HIRA: variants seen among roughly 807,000 people sequenced by gnomAD.
HIRA encodes histone cell cycle regulator, also known as protein HIRA.
A neutral mutation model predicts 126.6 loss-of-function variants in HIRA; 13 were observed. The observed-to-expected ratio is 0.10, with a 90% CI of 0.07 to 0.16. HIRA has a LOEUF of 0.16. Among genes scored for constraint, HIRA ranks in the 10% least tolerant of loss-of-function variants. The probability of loss-of-function intolerance (pLI) is 1.00; values close to 1 mark genes in which losing one functional copy is unlikely to be tolerated. For missense variants in HIRA, 834 were observed against 1,314.4 expected (o/e 0.63, Z 5.65); for synonymous variants, 511 against 520.0 (o/e 0.98, Z 0.24).
Position 19,388,350 on chromosome 22 carries a change from T to C in HIRA, c.1007+134A>G, listed in dbSNP as rs2089146567. On this transcript the variant is annotated intron_variant, in intron 10 of 24. Transcript: ENST00000263208. ...TTCCCAAATCACGTGCAAACAGCAC[T>C]CTTGGTCTGCGCTACTATGACACCT... 4 of 657,532 alleles carry C rather than the reference T, an allele frequency of 6.1e-6. No homozygotes were observed. The South Asian group carries it at 7.2e-5, about 12-fold the overall frequency. The allele number at this position is 657,532 out of a possible 1,614,324, so 40.7% of individuals were successfully genotyped here.
chr22:19,369,644 C>T (rs2088946872), intron 15 of HIRA, among the ~76,000 whole-genome samples: 1 of 152,098 alleles, frequency 6.6e-6, no homozygotes, highest in Admixed American at 6.6e-5. Flanking sequence ...AAGAAAATCT[C>T]CACTGAAGGC....
chr22:19,342,158 T>G (rs1045532551), intron 24 of HIRA, among the ~76,000 whole-genome samples: 2 of 151,452 alleles, frequency 1.3e-5, no homozygotes, highest in African/African-American at 4.9e-5. Context: ...AATAGACAAT[T>G]CTCAAAAGAA....
intron 14 of HIRA, among the ~76,000 whole-genome samples, chr22:19,376,925 C>A (rs561852064): frequency 2.1e-4 from 32 of 152,228 alleles, no homozygotes; most frequent in Non-Finnish European, 3.5e-4. Context: ...CACCGCCTAA[C>A]AGAGTCACTT....
rs983912094 is a variant in HIRA, at chr22:19,353,901, G to C, written c.2684+95C>G. 8.2e-6 allele frequency: 12 copies of C among 1,455,284 alleles called. No individual in the cohort carries two copies. The South Asian group carries it at 1.6e-4, about 20-fold the overall frequency. The allele number at this position is 1,455,284 out of a possible 1,614,324, so 90.1% of individuals were successfully genotyped here. A position where few individuals can be genotyped will look rare whatever the true frequency, so the allele number is the denominator to read the frequency against. On this transcript the variant is annotated intron_variant, in intron 22 of 24. Coordinates refer to ENST00000263208, the MANE Select transcript of HIRA (RefSeq NM_003325.4). Reference sequence around the variant, plus strand: ...CTGGGGCACAGGGGAAGGGCAGGTGGAGACCAGGCCTGGGCAGGGACTGTG... The same window carrying C: ...CTGGGGCACAGGGGAAGGGCAGGTGCAGACCAGGCCTGGGCAGGGACTGTG...
chr22:19,399,977 A>G (rs2089254410), intron 5 of HIRA, among the ~76,000 whole-genome samples: 1 of 152,188 alleles, frequency 6.6e-6, no homozygotes, highest in South Asian at 2.1e-4. Context: ...CTGGAGGGGC[A>G]CACATGCAAA....
chr22:19,363,865 C>T (rs1300847881), intron 15 of HIRA, among the ~76,000 whole-genome samples: 3 of 152,028 alleles, frequency 2.0e-5, no homozygotes, highest in East Asian at 1.9e-4. Flanking sequence ...ACTGTGCCAC[C>T]GCACTCCAGC....
chr22:19,332,717 T>TA (rs2088505183), intron 24 of HIRA, among the ~76,000 whole-genome samples: 1 of 146,678 alleles, frequency 6.8e-6, no homozygotes, highest in Non-Finnish European at 1.5e-5. Flanking sequence ...GCTTATACTG[T>TA]ATTAGAGAAC....
chr22:19,402,057 C>T (rs372473673), intron 5 of HIRA, among the ~76,000 whole-genome samples: 98 of 152,278 alleles, frequency 6.4e-4, no homozygotes, highest in African/African-American at 1.8e-3. Flanking sequence ...CCCTCACTGC[C>T]GTCCAGTCTT....
At chr22:19,358,195 T>C (rs1290144997) in intron 18 of HIRA, among the ~76,000 whole-genome samples, 1 of 152,280 alleles carries the variant, frequency 6.6e-6, no homozygotes, top group African/African-American at 2.4e-5. Flanking sequence ...AGATGGGGTT[T>C]CAATATGTTG....
intron 1 of HIRA, among the ~76,000 whole-genome samples, chr22:19,428,115 A>T (rs1033165625): frequency 1.3e-5 from 2 of 152,334 alleles, no homozygotes; most frequent in South Asian, 2.1e-4. Context: ...CCAGAAGTAG[A>T]GTTATAAGTC....
chr22:19,343,611 A>T (rs1322093820), intron 24 of HIRA, among the ~76,000 whole-genome samples: 2 of 151,778 alleles, frequency 1.3e-5, no homozygotes, highest in Non-Finnish European at 2.9e-5. Context: ...GTTATTTTAA[A>T]TTTCATGTAT....
intron 5 of HIRA, among the ~76,000 whole-genome samples, chr22:19,399,419 T>C (rs1340752111): frequency 6.6e-6 from 1 of 152,102 alleles, no homozygotes; most frequent in Non-Finnish European, 1.5e-5. Flanking sequence ...AATGCCTATG[T>C]GATCTTCACA....
chr22:19,376,388 T>C (rs1020281420), intron 14 of HIRA, among the ~76,000 whole-genome samples: 3 of 152,168 alleles, frequency 2.0e-5, no homozygotes, highest in African/African-American at 7.2e-5. Flanking sequence ...CCATCCTTCA[T>C]GTCCAAGCCC....
intron 1 of HIRA, among the ~76,000 whole-genome samples, chr22:19,413,462 A>C (rs5748192): frequency 6.6e-6 from 1 of 151,800 alleles, no homozygotes; most frequent in Non-Finnish European, 1.5e-5. Flanking sequence ...TCCTAGTGCT[A>C]TGCAGATTAG....
At chr22:19,340,919 A>T (rs750411447) in intron 24 of HIRA, among the ~76,000 whole-genome samples, 13 of 152,252 alleles carry the variant, frequency 8.5e-5, no homozygotes, top group Non-Finnish European at 1.2e-4. Flanking sequence ...AGGTAAAATT[A>T]AAAATGACCA....
At chr22:19,348,448 C>G (rs925811838) in intron 24 of HIRA, among the ~76,000 whole-genome samples, 3 of 151,562 alleles carry the variant, frequency 2.0e-5, no homozygotes, top group African/African-American at 7.3e-5. Context: ...TAGATAAAAG[C>G]CTAAATTAAA....
intron 15 of HIRA, among the ~76,000 whole-genome samples, chr22:19,373,243 T>C (rs2088984547): frequency 6.6e-6 from 1 of 152,204 alleles, no homozygotes; most frequent in Non-Finnish European, 1.5e-5. Flanking sequence ...TTAGCTTTTG[T>C]TCCAATTTTG....
In HIRA at chr22:19,351,856, C is replaced by T. The variant is rs1292232488; in HGVS notation, c.2849-410G>A. Among the ~76,000 whole-genome samples, 1 of 151,948 alleles carries T rather than the reference C, an allele frequency of 6.6e-6. No individual in the cohort carries two copies. The highest frequency in any genetic ancestry group is 1.5e-5 in the Non-Finnish European group (1 of 68,002). On this transcript the variant is annotated intron_variant, in intron 23 of 24. Transcript: ENST00000263208. This position sits in a 1 kb window ranked among gnomAD's most constrained non-coding sequence, Gnocchi z 4.8. ...TCAGGAGGGTGGGACGGCCAGCCCG[C>T]AGGAGGTAAGAGATGGCAAAGGCAT... is the stretch of plus-strand genomic sequence containing the variant.
intron 5 of HIRA, among the ~76,000 whole-genome samples, chr22:19,398,309 T>A (rs2089239844): frequency 6.6e-6 from 1 of 152,196 alleles, no homozygotes; most frequent in Admixed American, 6.5e-5. Context: ...ACTGAGGGCG[T>A]GGTTCAGAGC....
Sources: gnomAD v4.1 joint callset for allele counts (sites outside exome capture counted in the v4.1 genomes callset) on GRCh38, gnomAD v4.1.1 for gene constraint, Gnocchi (gnomAD v3.1) non-coding constraint, MANE v1.5 for transcripts, NCBI Gene and HGNC (gene_info 2026-07-23, HGNC 2026-07-21) for gene names.